The following GRAMD4 variants were observed in gnomAD, a reference collection of about 807,000 sequenced individuals.
GRAMD4 encodes GRAM domain-containing protein 4.
In GRAMD4, 25 loss-of-function variants were observed where a neutral mutation model predicts 83.9. The ratio of observed to expected loss-of-function variants is 0.30; its 90% CI spans 0.22 to 0.42. The LOEUF (loss-of-function observed/expected upper bound fraction) is 0.42. GRAMD4 is among the 10% of genes least tolerant of loss of function. The pLI, the probability that GRAMD4 is intolerant of heterozygous loss-of-function variation, is 1.00. For synonymous variants in GRAMD4, 336 were observed against 320.9 expected (o/e 1.05, Z -0.50); for missense variants, 593 against 788.7 (o/e 0.75, Z 2.97).
intron 3 of GRAMD4, among the ~76,000 whole-genome samples, chr22:46,652,978 G>A (rs1002840655): frequency 7.2e-5 from 11 of 152,218 alleles, no homozygotes; most frequent in Non-Finnish European, 1.2e-4. Context: ...GTCGTGGGGC[G>A]TGTGATCATC....
At chr22:46,661,685 C>T (rs1601658677) in intron 5 of GRAMD4, among the ~76,000 whole-genome samples, 1 of 152,260 alleles carries the variant, frequency 6.6e-6, no homozygotes, top group Admixed American at 6.5e-5. Context: ...CACAAATTTC[C>T]AGTCACTCAA....
In GRAMD4 at chr22:46,677,926, G is replaced by A. The variant is rs1305318138; in HGVS notation, c.*675G>A. The A allele has an allele frequency of 2.0e-6, 2 of 985,030 alleles. No homozygotes were observed. The highest frequency in any genetic ancestry group is 2.3e-4 in the East Asian group (2 of 8,824). 61.0% of individuals were successfully genotyped at this position (985,030 alleles called of 1,614,324 possible). A position where few individuals can be genotyped will look rare whatever the true frequency, so the allele number is the denominator to read the frequency against. ...CTCGCCTGCCCTCAGTGTCTTTGGT[G>A]GCACCTTCCTTGCTGGCCTCCAGGG... On this transcript the variant is annotated 3_prime_UTR_variant, in exon 19 of 19. Transcript: ENST00000406902.
Position 46,678,961 on chromosome 22 carries a change from G to T in GRAMD4, c.*1710G>T. ...CCACACGGCGGCCTTTCCCGAATGG[G>T]GACAGAACCCGCTCTGAGCCGTGGG... On this transcript the variant is annotated 3_prime_UTR_variant, in exon 19 of 19. Transcript: ENST00000406902. The T allele has an allele frequency of 1.0e-6, 1 of 985,786 alleles. No homozygotes were observed. The highest frequency in any genetic ancestry group is 1.2e-6 in the Non-Finnish European group (1 of 830,000). 61.1% of individuals were successfully genotyped at this position (985,786 alleles called of 1,614,324 possible).
At chr22:46,616,889 C>T (rs1286734666), upstream of GRAMD4, among the ~76,000 whole-genome samples, 3 of 12,186 alleles carry the variant, frequency 2.5e-4, no homozygotes, top group African/African-American at 2.9e-4. Flanking sequence ...TTCCCCTGTG[C>T]GTGTAGTTTC....
In GRAMD4 at chr22:46,666,683, C is replaced by A. The variant is rs377540476; in HGVS notation, c.810-142C>A. The A allele has an allele frequency of 4.9e-4, 344 of 699,438 alleles. 7 individuals carry two copies. The South Asian group carries it at 5.0e-3, about 10-fold the overall frequency. 43.3% of individuals were successfully genotyped at this position (699,438 alleles called of 1,614,324 possible). ...CTCACAGCAGGGGGTTCCGGAGGGACCTTTTCTCCCCATTGGGCAGCATAG... is the reference window on the plus strand; with the variant it reads ...CTCACAGCAGGGGGTTCCGGAGGGAACTTTTCTCCCCATTGGGCAGCATAG... On this transcript the variant is annotated intron_variant, in intron 9 of 18. Transcript: ENST00000406902.
At chr22:46,648,742 G>T (rs1404065472) in intron 3 of GRAMD4, among the ~76,000 whole-genome samples, 1 of 139,804 alleles carries the variant, frequency 7.2e-6, no homozygotes, top group African/African-American at 2.8e-5. Context: ...ATGGATGGAT[G>T]GATGCATGGA....
chr22:46,638,265 A>G (rs1395116853), intron 3 of GRAMD4, among the ~76,000 whole-genome samples: 1 of 152,244 alleles, frequency 6.6e-6, no homozygotes, highest in Non-Finnish European at 1.5e-5. Context: ...CTCTGGGGAA[A>G]AGGAGTGAAA....
chr22:46,621,837 G>C lies in GRAMD4; in HGVS notation c.-50+1272G>C, dbSNP rs1412435068. 6.6e-6 allele frequency among the ~76,000 whole-genome samples: 1 copy of C among 152,258 alleles called. No individual in the cohort carries two copies. Among genetic ancestry groups the C allele is most frequent in the African/African-American group, 2.4e-5 (1 of 41,472 alleles). On this transcript the variant is annotated intron_variant, in intron 1 of 18. Coordinates refer to ENST00000406902, the MANE Select transcript of GRAMD4 (RefSeq NM_015124.5). This position sits in a 1 kb window ranked among gnomAD's most constrained non-coding sequence, Gnocchi z 5.8. ...TCCCTGGCAGTGTGTGGTGACATGT[G>C]TCGTGACATGGAGTTTGATTCTTAA...
chr22:46,672,730 C>T lies in GRAMD4; in HGVS notation c.1085-113C>T, dbSNP rs1039579676. On this transcript the variant is annotated intron_variant, in intron 13 of 18. Transcript: ENST00000406902. This position sits in a 1 kb window ranked among gnomAD's most constrained non-coding sequence, Gnocchi z 4.7. ...GAGCAGCTGGACTCTCACATCCAGGCTCAGGGTGGAGGGTGCCAATCTGGG... is the reference window on the plus strand; with the variant it reads ...GAGCAGCTGGACTCTCACATCCAGGTTCAGGGTGGAGGGTGCCAATCTGGG... 1.0e-5 allele frequency: 8 copies of T among 783,772 alleles called. No homozygotes were observed. The African/African-American group carries it at 1.0e-4, about 10-fold the overall frequency. The allele number at this position is 783,772 out of a possible 1,614,324, so 48.6% of individuals were successfully genotyped here.
chr22:46,585,986 C>T lies in GRAMD4; in HGVS notation c.-50+8696C>T, dbSNP rs118146188. ...GCAGTGGGATACCTGGCTCCTTTGT[C>T]TGCCCCCGAAGGCCCTTGTCTCTGT... On this transcript the variant is annotated intron_variant, in intron 1 of 1. Coordinates refer to the GRAMD4 transcript ENST00000431155. 1.3e-4 allele frequency among the ~76,000 whole-genome samples: 20 copies of T among 152,278 alleles called. 2 individuals are homozygous for T. In the East Asian group the frequency reaches 3.9e-3, roughly 29 times the overall value.
intron 1 of GRAMD4, among the ~76,000 whole-genome samples, chr22:46,598,926 G>A (rs963637309): frequency 1.3e-5 from 2 of 152,076 alleles, no homozygotes; most frequent in African/African-American, 2.4e-5. Flanking sequence ...GACAGGAGCC[G>A]CCCTGCACCC....
chr22:46,676,125 C>T (rs1025175873), intron 17 of GRAMD4, among the ~76,000 whole-genome samples: 31 of 152,342 alleles, frequency 2.0e-4, no homozygotes, highest in African/African-American at 6.3e-4. Flanking sequence ...CGCATTGGCA[C>T]GGCGGGCACT....
intron 3 of GRAMD4, among the ~76,000 whole-genome samples, chr22:46,657,610 C>T (rs1469885260): frequency 6.6e-6 from 1 of 152,234 alleles, no homozygotes. Context: ...GCTGTGTTCC[C>T]TCCAGGCCTT....
chr22:46,596,540 C>T (rs975593078), intron 1 of GRAMD4, among the ~76,000 whole-genome samples: 1 of 152,154 alleles, frequency 6.6e-6, no homozygotes, highest in African/African-American at 2.4e-5. Flanking sequence ...AGAGATTAGC[C>T]TTTTTTATTT....
At chr22:46,666,575 C>G (rs1397433638) in intron 9 of GRAMD4, among the ~76,000 whole-genome samples, 1 of 152,138 alleles carries the variant, frequency 6.6e-6, no homozygotes, top group African/African-American at 2.4e-5. Context: ...CTCTCCCACA[C>G]CGCTGGCCAC....
At chr22:46,644,215 A>G (rs901426341) in intron 3 of GRAMD4, among the ~76,000 whole-genome samples, 2 of 150,690 alleles carry the variant, frequency 1.3e-5, no homozygotes, top group Admixed American at 6.6e-5. Flanking sequence ...TCCCTGTTCC[A>G]TGTTACACCT....
chr22:46,600,883 T>A (rs986429543), intron 1 of GRAMD4, among the ~76,000 whole-genome samples: 1 of 152,216 alleles, frequency 6.6e-6, no homozygotes, highest in Non-Finnish European at 1.5e-5. Flanking sequence ...CAGTGGCTCA[T>A]GCCTGTAATC....
chr22:46,620,063 G>A (rs530136888), upstream of GRAMD4, among the ~76,000 whole-genome samples: 70 of 152,320 alleles, frequency 4.6e-4, no homozygotes, highest in African/African-American at 1.6e-3. The surrounding 1 kb of genome is among the most constrained non-coding windows in gnomAD (Gnocchi z 4.7). Context: ...TTTAGCAGGG[G>A]AGATGGTGTG....
intron 1 of GRAMD4, among the ~76,000 whole-genome samples, chr22:46,605,207 T>C (rs1245758172): frequency 6.6e-6 from 1 of 152,016 alleles, no homozygotes; most frequent in Admixed American, 6.6e-5. Context: ...GGTGCCATAA[T>C]GTCCTCTGGG....
Sources: gnomAD v4.1 joint callset for allele counts (sites outside exome capture counted in the v4.1 genomes callset) on GRCh38, gnomAD v4.1.1 for gene constraint, Gnocchi (gnomAD v3.1) non-coding constraint, MANE v1.5 for transcripts, NCBI Gene and HGNC (gene_info 2026-07-23, HGNC 2026-07-21) for gene names.